GRIN2B: variants seen among roughly 807,000 people sequenced by gnomAD.
GRIN2B encodes glutamate ionotropic receptor NMDA type subunit 2B.
A neutral mutation model predicts 114.5 loss-of-function variants in GRIN2B; 5 were observed. The ratio of observed to expected loss-of-function variants is 0.04; its 90% confidence interval spans 0.02 to 0.09. GRIN2B has a LOEUF of 0.09. GRIN2B is among the 10% of genes least tolerant of loss of function. The pLI is 1.00. For missense variants in GRIN2B, 1,108 were observed against 1,943.5 expected, an observed-to-expected ratio of 0.57 and a Z score of 8.08; for synonymous variants, 787 against 745.1, an observed-to-expected ratio of 1.06 and a Z score of -0.92.
chr12:13,664,972 C>G (rs1456905596), intron 5 of GRIN2B, among the ~76,000 whole-genome samples: 1 of 152,128 alleles, frequency 6.6e-6, no homozygotes, highest in South Asian at 2.1e-4. Flanking sequence ...TTTAGAAAAG[C>G]TTTTAATTCA....
chr12:13,554,527 T>C lies in GRIN2B; in HGVS notation c.*8256A>G, dbSNP rs1397433351. The C allele has an allele frequency of 6.6e-6, 1 of 152,174 alleles. No individual in the cohort carries two copies. The highest frequency in any genetic ancestry group is 2.4e-5 in the African/African-American group (1 of 41,434). The allele number at this position is 152,174 out of a possible 1,614,324, so 9.4% of individuals were successfully genotyped here. ...TGAAACAAATGTTATTCAGCTTGTC[T>C]GGATTATGGGACACACACATAGTCA... On this transcript the variant is annotated 3_prime_UTR_variant, in exon 14 of 14. Coordinates refer to ENST00000609686, the MANE Select transcript of GRIN2B (RefSeq NM_000834.5).
rs187909834 is a variant in GRIN2B at position 13,804,492 on chromosome 12, C to T, written c.412-50577G>A. 5.1e-4 allele frequency among the ~76,000 whole-genome samples: 78 copies of T among 152,196 alleles called. 3 individuals carry two copies. The East Asian group carries it at 0.015, about 29-fold the overall frequency. ...ATCCAAACATAAGATATCTGAACCC[C>T]TTCATTTTTAAAAATTATAACACTT... is the stretch of plus-strand genomic sequence containing the variant. On this transcript the variant is annotated intron_variant, in intron 3 of 13. Coordinates refer to ENST00000609686, the MANE Select transcript of GRIN2B (RefSeq NM_000834.5).
At chr12:13,957,150 G>T (rs1867606578) in intron 2 of GRIN2B, among the ~76,000 whole-genome samples, 1 of 152,204 alleles carries the variant, frequency 6.6e-6, no homozygotes, top group Non-Finnish European at 1.5e-5. Flanking sequence ...GCTTCCATTA[G>T]CTGTTCTCTT....
rs1260912162 is a variant in GRIN2B, at chr12:13,540,678, T to A, written c.*22105A>T. 6.6e-6 allele frequency: 1 copy of A among 152,016 alleles called. No homozygotes were observed. Among genetic ancestry groups the A allele is most frequent in the African/African-American group, 2.4e-5 (1 of 41,366 alleles). 9.4% of individuals were successfully genotyped at this position (152,016 alleles called of 1,614,324 possible). A position where few individuals can be genotyped will look rare whatever the true frequency, so the allele number is the denominator to read the frequency against. ...ATCCGCCCCTCCCCCCACTCCAGAATCTCAATTGATCCCTGCATGTCCAAA... is the reference window on the plus strand; with the variant it reads ...ATCCGCCCCTCCCCCCACTCCAGAAACTCAATTGATCCCTGCATGTCCAAA... On this transcript the variant is annotated 3_prime_UTR_variant, in exon 14 of 14. Transcript: ENST00000609686.
intron 4 of GRIN2B, among the ~76,000 whole-genome samples, chr12:13,732,902 G>T (rs1591702171): frequency 6.6e-6 from 1 of 152,308 alleles, no homozygotes; most frequent in East Asian, 1.9e-4. Context: ...TATAATGAGT[G>T]CCTGCACTGA....
At chr12:13,750,271 G>A (rs1287282794) in intron 4 of GRIN2B, among the ~76,000 whole-genome samples, 1 of 152,150 alleles carries the variant, frequency 6.6e-6, no homozygotes, top group Non-Finnish European at 1.5e-5. Context: ...CACCTTCCTG[G>A]GTGGCCACAC....
chr12:13,932,929 G>A (rs1867059583), intron 2 of GRIN2B, among the ~76,000 whole-genome samples: 1 of 151,270 alleles, frequency 6.6e-6, no homozygotes, highest in African/African-American at 2.4e-5. Context: ...GTAAACTGTT[G>A]TTTGCACTGA....
chr12:13,633,197 G>C (rs1217624910), intron 5 of GRIN2B, among the ~76,000 whole-genome samples: 2 of 152,210 alleles, frequency 1.3e-5, no homozygotes, highest in Admixed American at 6.5e-5. Flanking sequence ...ATAGAATGAG[G>C]TTGAGGGGTT....
intron 4 of GRIN2B, chr12:13,683,867 C>G (rs964339531): frequency 6.6e-6 from 1 of 152,070 alleles, no homozygotes; most frequent in African/African-American, 2.4e-5. Context: ...TTTACATTGC[C>G]TGGGTGTCAG....
At chr12:13,783,252 A>AAC (rs368922412) in intron 3 of GRIN2B, among the ~76,000 whole-genome samples, 165 of 151,924 alleles carry the variant, frequency 1.1e-3, no homozygotes, top group African/African-American at 3.4e-3. Context: ...TGAAAAGACA[A>AAC]ACACACACAC....
intron 4 of GRIN2B, among the ~76,000 whole-genome samples, chr12:13,699,192 G>T (rs955117139): frequency 6.6e-6 from 1 of 152,098 alleles, no homozygotes; most frequent in Admixed American, 6.6e-5. Context: ...TCTGATTTTC[G>T]TATTGCTGCT....
chr12:13,942,089 C>T (rs1036030197), intron 2 of GRIN2B, among the ~76,000 whole-genome samples: 1 of 152,208 alleles, frequency 6.6e-6, no homozygotes, highest in African/African-American at 2.4e-5. Context: ...CACGTGCAAA[C>T]CTCTCTCCAT....
intron 5 of GRIN2B, among the ~76,000 whole-genome samples, chr12:13,626,117 C>T (rs1257996462): frequency 6.6e-6 from 1 of 152,208 alleles, no homozygotes; most frequent in Admixed American, 6.5e-5. Flanking sequence ...GAACCGAGCT[C>T]TACCTTCTCC....
intron 3 of GRIN2B, among the ~76,000 whole-genome samples, chr12:13,853,256 T>C (rs181985692): frequency 1.7e-4 from 26 of 152,338 alleles, no homozygotes; most frequent in Middle Eastern, 3.4e-3. Context: ...GACATGTCTC[T>C]CTTACTGATC....
At chr12:13,634,530 A>G (rs1161085939) in intron 5 of GRIN2B, among the ~76,000 whole-genome samples, 1 of 152,158 alleles carries the variant, frequency 6.6e-6, no homozygotes, top group Non-Finnish European at 1.5e-5. Context: ...GAGAGACAAA[A>G]GGAGCGTAGT....
intron 3 of GRIN2B, among the ~76,000 whole-genome samples, chr12:13,826,069 G>T (rs1865030321): frequency 6.6e-6 from 1 of 150,660 alleles, no homozygotes; most frequent in Non-Finnish European, 1.5e-5. Context: ...TTTTTTTAGA[G>T]TTCTGTATTA....
intron 4 of GRIN2B, among the ~76,000 whole-genome samples, chr12:13,722,256 T>C (rs1428518015): frequency 6.6e-6 from 1 of 151,996 alleles, no homozygotes; most frequent in African/African-American, 2.4e-5. Context: ...GGTCAAGGAT[T>C]TCAGGGGTTT....
At chr12:13,724,737 AC>A (rs1862949339) in intron 4 of GRIN2B, among the ~76,000 whole-genome samples, 1 of 151,722 alleles carries the variant, frequency 6.6e-6, no homozygotes, top group Admixed American at 6.6e-5. Flanking sequence ...CATTGGCTTT[AC>A]CCCCTTCCAC....
At chr12:13,963,318 C>T (rs1389788419) in intron 2 of GRIN2B, among the ~76,000 whole-genome samples, 2 of 152,272 alleles carry the variant, frequency 1.3e-5, no homozygotes, top group Non-Finnish European at 2.9e-5. Context: ...ATACACTTTA[C>T]TCCATCTCCC....
Sources: allele counts gnomAD v4.1 joint callset (sites outside exome capture counted in the v4.1 genomes callset), GRCh38; gene constraint gnomAD v4.1.1; transcripts MANE v1.5; gene names NCBI Gene and HGNC (gene_info 2026-07-23, HGNC 2026-07-21).